Variants in TRPM4 observed in about 807,000 individuals in gnomAD.
The protein encoded by TRPM4 is transient receptor potential cation channel subfamily M member 4, also known as calcium-activated non-selective cation channel 1.
In TRPM4, 124 loss-of-function variants were observed where a neutral mutation model predicts 135.6. The ratio of observed to expected loss-of-function variants is 0.91; its 90% CI spans 0.79 to 1.06. The LOEUF (loss-of-function observed/expected upper bound fraction) is 1.06. Ranked by LOEUF, TRPM4 falls within the 50% of genes least tolerant of loss-of-function variation. The pLI is 0.00. For missense variants in TRPM4, 1,658 were observed against 1,671.4 expected, an observed-to-expected ratio of 0.99 and a Z score of 0.14; for synonymous variants, 745 against 705.6, an observed-to-expected ratio of 1.06 and a Z score of -0.88.
chr19:49,185,389 C>A (rs1968161650), intron 12 of TRPM4, among the ~76,000 whole-genome samples: 1 of 152,100 alleles, frequency 6.6e-6, no homozygotes, highest in Non-Finnish European at 1.5e-5. Context: ...GTTGGGTCTA[C>A]CAGCCACATG....
In TRPM4 at chr19:49,191,483, G is replaced by A. The variant is rs538022000; in HGVS notation, c.2210+710G>A. ...GGCCTCCCAAAGTGCTGGGATTACA[G>A]GTGTGAGCCACCGGGCCCAGCCAGG... On this transcript the variant is annotated intron_variant, in intron 16 of 24. Transcript: ENST00000252826. Among the ~76,000 whole-genome samples the A allele has an allele frequency of 2.0e-5, 3 of 152,022 alleles. No individual in the cohort carries two copies. The East Asian group carries it at 5.8e-4, about 30-fold the overall frequency.
rs907922080 is a variant in TRPM4, at chr19:49,210,432, G to A, written c.3328+27G>A. ...TAAGAACAGAGCTTGGCTTAAAAAG[G>A]AGAAATATAGGGGACCGGGAGCCTG... On this transcript the variant is annotated intron_variant, in intron 21 of 24. Transcript: ENST00000252826. The surrounding 1 kb of genome is among the most constrained non-coding windows in gnomAD (Gnocchi z 4.1). 16 of 1,608,946 alleles carry A rather than the reference G, an allele frequency of 9.9e-6. No individual in the cohort carries two copies. In the African/African-American group the frequency reaches 1.6e-4, roughly 16 times the overall value.
At chr19:49,207,636 CAAAAAAA>C (rs34758808) in intron 20 of TRPM4, among the ~76,000 whole-genome samples, 3 of 39,020 alleles carry the variant, frequency 7.7e-5, no homozygotes, top group Non-Finnish European at 1.0e-4. Context: ...AACCTTGTCT[CAAAAAAA>C]AAAAAAAAAA....
intron 9 of TRPM4, among the ~76,000 whole-genome samples, chr19:49,174,615 A>T (rs1208220664): frequency 4.0e-5 from 6 of 151,824 alleles, no homozygotes; most frequent in Non-Finnish European, 7.4e-5. Flanking sequence ...ACAAATAATA[A>T]GTTGGGGAGG....
At position 49,188,672 on chromosome 19, in the gene TRPM4, C is replaced by A; in HGVS notation, c.1775C>A (p.Ala592Asp). The change falls in exon 13 of 25, where the codon GCC becomes GAC. Residue 592 changes from alanine (A) to aspartate (D), a missense_variant. This residue lies in a region of TRPM4 where 1,412 missense variants were observed against 1,408.7 expected (regional missense o/e 1.00). Transcript: ENST00000252826. ...AATGCAGTTTCCTCAGCTCTTGGGG[C>A]CTGTTTGCTGCTCCGGGTGATGGCA... Reference protein sequence around the residue: ...GSNAVSSALGACLLLRVMARL... With the variant: ...GSNAVSSALGDCLLLRVMARL... 6.2e-7 allele frequency: 1 copy of A among 1,614,182 alleles called. No homozygotes were observed. Among genetic ancestry groups the A allele is most frequent in the Non-Finnish European group, 8.5e-7 (1 of 1,180,040 alleles).
Position 49,168,370 on chromosome 19 carries a change from G to A in TRPM4, c.559G>A (p.Gly187Ser). The change falls in exon 5 of 25, where the codon GGT (glycine) becomes AGT (serine). Residue 187 changes from glycine (G) to serine (S), a missense_variant. Physicochemically the swap from Gly to Ser is moderately conservative, Grantham distance 56. Around this residue, in one of 3 missense-constraint regions of TRPM4, gnomAD observed 1,412 missense variants for 1,408.7 expected, o/e 1.00. Transcript: ENST00000252826. Reference sequence around the variant, plus strand: ...TGGGGGCACCAAGGTGGTGGCCATGGGTGTGGCCCCCTGGGGTGTGGTCCG... The same window carrying A: ...TGGGGGCACCAAGGTGGTGGCCATGAGTGTGGCCCCCTGGGGTGTGGTCCG... ...STGGTKVVAM[G>S]VAPWGVVRNR... 1 of 1,614,108 alleles carries A rather than the reference G, an allele frequency of 6.2e-7. No homozygotes were observed. Among genetic ancestry groups the A allele is most frequent in the Non-Finnish European group, 8.5e-7 (1 of 1,180,028 alleles).
intron 17 of TRPM4, among the ~76,000 whole-genome samples, chr19:49,200,005 G>T (rs1258455595): frequency 6.6e-6 from 1 of 152,154 alleles, no homozygotes; most frequent in East Asian, 1.9e-4. Context: ...TTATAGGTTG[G>T]ACAGATATTC....
chr19:49,177,904 G>A (rs1324852980), intron 9 of TRPM4, among the ~76,000 whole-genome samples: 1 of 152,192 alleles, frequency 6.6e-6, no homozygotes, highest in Non-Finnish European at 1.5e-5. Context: ...TGTATCATTG[G>A]CATGAAGGGA....
chr19:49,198,609 C>T (rs945661228), intron 17 of TRPM4, among the ~76,000 whole-genome samples: 22 of 140,250 alleles, frequency 1.6e-4, no homozygotes, highest in African/African-American at 6.0e-4. Context: ...GATCATGCCA[C>T]TGCACTCTAG....
chr19:49,172,496 C>T (rs1967502139), intron 9 of TRPM4, among the ~76,000 whole-genome samples: 1 of 152,024 alleles, frequency 6.6e-6, no homozygotes, highest in Admixed American at 6.6e-5. Flanking sequence ...ATTCCTCCAT[C>T]CGTCTTCTCA....
At chr19:49,195,527 C>A (rs74997144) in intron 16 of TRPM4, among the ~76,000 whole-genome samples, 2 of 151,838 alleles carry the variant, frequency 1.3e-5, no homozygotes, top group South Asian at 2.1e-4. Context: ...TGCGCCACCA[C>A]GCCAGGCTAA....
rs746238981 is a variant in TRPM4 at position 49,182,942 on chromosome 19, G to A, written c.1608+20G>A. On this transcript the variant is annotated intron_variant, in intron 11 of 24. Transcript: ENST00000252826. ...GAGAGCGTAAGGACCGGGCAAAGCT[G>A]GGGGGCCCCCCCGCGCGGGAAGGAC... 16 of 1,578,352 alleles carry A rather than the reference G, an allele frequency of 1.0e-5. No homozygotes were observed. Among genetic ancestry groups the A allele is most frequent in the Non-Finnish European group, 1.4e-5 (16 of 1,162,218 alleles).
At chr19:49,160,426 A>G (rs1445065439) in intron 2 of TRPM4, among the ~76,000 whole-genome samples, 8 of 151,050 alleles carry the variant, frequency 5.3e-5, no homozygotes, top group Admixed American at 3.3e-4. Flanking sequence ...GGAGGCTACT[A>G]TGAGCAGAGA....
intron 16 of TRPM4, among the ~76,000 whole-genome samples, chr19:49,191,990 T>C (rs1462028846): frequency 6.6e-6 from 1 of 152,168 alleles, no homozygotes; most frequent in African/African-American, 2.4e-5. Context: ...CTTCCATCCC[T>C]CTGTAGCAAG....
chr19:49,193,085 T>G (rs2123014056), intron 16 of TRPM4, among the ~76,000 whole-genome samples: 1 of 150,910 alleles, frequency 6.6e-6, no homozygotes, highest in East Asian at 1.9e-4. Flanking sequence ...AGTTGGTTTT[T>G]TTTTTTTTTT....
intron 9 of TRPM4, among the ~76,000 whole-genome samples, chr19:49,180,134 G>T (rs1967859822): frequency 6.6e-6 from 1 of 152,140 alleles, no homozygotes; most frequent in Non-Finnish European, 1.5e-5. Context: ...AAAATGAGAT[G>T]AATTTGTTTT....
At chr19:49,201,386 C>G (rs995798069) in intron 19 of TRPM4, among the ~76,000 whole-genome samples, 3 of 152,174 alleles carry the variant, frequency 2.0e-5, no homozygotes, top group African/African-American at 7.2e-5. Context: ...GAGGAACAGG[C>G]TATGATCTAA....
rs1254713847 is a variant in TRPM4 at position 49,168,668 on chromosome 19, T to TG, written c.734dup (p.Glu246ArgfsTer25). On this transcript the variant is annotated frameshift_variant, in exon 6 of 25. Transcript: ENST00000252826. LOFTEE classifies it high-confidence loss of function. ...GTGGACGACGGCACACACGGCTGCC[T>TG]GGGGGGCGAGAACCGCTTCCGCTTG... is the stretch of plus-strand genomic sequence containing the variant. 1.9e-6 allele frequency: 3 copies of TG among 1,612,644 alleles called. No individual in the cohort carries two copies. Among genetic ancestry groups the TG allele is most frequent in the Non-Finnish European group, 2.5e-6 (3 of 1,179,800 alleles).
In TRPM4 at chr19:49,182,748, C is replaced by T. The variant is rs762466275; in HGVS notation, c.1434C>T (p.Asp478=). ...ACTCGCTCATCCGCAACCTTTTGGA[C>T]CAGGCGTCCCACAGCGCAGGCACCA... ...PSNSLIRNLL[D]QASHSAGTKA... The change falls in exon 11 of 25, where the codon GAC becomes GAT. Residue 478 remains aspartate, a synonymous_variant. Coordinates refer to ENST00000252826, the MANE Select transcript of TRPM4 (RefSeq NM_017636.4). 6.2e-7 allele frequency: 1 copy of T among 1,613,918 alleles called. No homozygotes were observed. The highest frequency in any genetic ancestry group is 1.7e-5 in the Admixed American group (1 of 60,022).
Sources: allele counts gnomAD v4.1 joint callset (sites outside exome capture counted in the v4.1 genomes callset), GRCh38; gene constraint gnomAD v4.1.1; regional missense constraint gnomAD v4.1.1; non-coding constraint Gnocchi (gnomAD v3.1); transcripts MANE v1.5; gene names NCBI Gene and HGNC (gene_info 2026-07-23, HGNC 2026-07-21).